Variants in SPAST observed in about 807,000 individuals in gnomAD.
The protein encoded by SPAST is spastin, also known as spastic paraplegia 4 (autosomal dominant; spastin).
A neutral mutation model predicts 76.6 loss-of-function variants in SPAST; 30 were observed. That is an observed-to-expected ratio of 0.39 (90% CI 0.29 to 0.53). SPAST has a LOEUF of 0.53. SPAST is among the 20% of genes least tolerant of loss of function. The pLI is 0.68. For missense variants in SPAST, 717 were observed against 770.5 expected, an observed-to-expected ratio of 0.93 and a Z score of 0.82; for synonymous variants, 305 against 281.0, an observed-to-expected ratio of 1.09 and a Z score of -0.86.
At chr2:32,127,279 G>C (rs777401155) in intron 8 of SPAST, 4 of 451,970 alleles carry the variant, frequency 8.9e-6, no homozygotes, top group Non-Finnish European at 1.6e-5. Flanking sequence ...CACCACACCT[G>C]TCTAGGTTTT....
At chr2:32,069,184 G>A (rs560102505) in intron 1 of SPAST, among the ~76,000 whole-genome samples, 3 of 149,078 alleles carry the variant, frequency 2.0e-5, no homozygotes, top group South Asian at 4.2e-4. Flanking sequence ...CTGCACGCCA[G>A]CCTGGGCAAC....
chr2:32,113,608 C>T (rs1338229133), intron 4 of SPAST, among the ~76,000 whole-genome samples: 1 of 141,994 alleles, frequency 7.0e-6, no homozygotes, highest in Non-Finnish European at 1.5e-5. Context: ...CTCTGTCACC[C>T]AGGCTGGAGT....
At chr2:32,119,486 T>A (rs1465925143) in intron 7 of SPAST, among the ~76,000 whole-genome samples, 1 of 152,178 alleles carries the variant, frequency 6.6e-6, no homozygotes, top group African/African-American at 2.4e-5. Context: ...AAACTGGTTT[T>A]AAGGAGATAA....
At chr2:32,151,588 C>G (rs191285767) in intron 16 of SPAST, among the ~76,000 whole-genome samples, 1 of 151,918 alleles carries the variant, frequency 6.6e-6, no homozygotes, top group East Asian at 1.9e-4. Flanking sequence ...TGTCAGTTAC[C>G]GGTGAATATA....
chr2:32,113,945 T>C (rs1450053743), intron 4 of SPAST, among the ~76,000 whole-genome samples: 1 of 151,870 alleles, frequency 6.6e-6, no homozygotes, highest in East Asian at 1.9e-4. Flanking sequence ...TTTTGTTTTT[T>C]TGTTTTTTTT....
chr2:32,104,032 G>C (rs1336943322), intron 4 of SPAST, among the ~76,000 whole-genome samples: 3 of 151,956 alleles, frequency 2.0e-5, no homozygotes, highest in African/African-American at 7.2e-5. Context: ...TTGTTGATCT[G>C]TCTAATATTG....
chr2:32,137,639 T>C (rs1679581503), intron 12 of SPAST, among the ~76,000 whole-genome samples: 1 of 152,196 alleles, frequency 6.6e-6, no homozygotes, highest in Non-Finnish European at 1.5e-5. Flanking sequence ...TATTGCTCCA[T>C]TGTTTCTAGA....
At chr2:32,070,040 T>A (rs1391231523) in intron 1 of SPAST, among the ~76,000 whole-genome samples, 1 of 150,790 alleles carries the variant, frequency 6.6e-6, no homozygotes, top group East Asian at 2.0e-4. Flanking sequence ...CTGAATTTTA[T>A]TCTTATGGCA....
At chr2:32,107,335 C>T (rs959928485) in intron 4 of SPAST, among the ~76,000 whole-genome samples, 1 of 152,100 alleles carries the variant, frequency 6.6e-6, no homozygotes, top group African/African-American at 2.4e-5. Flanking sequence ...TCCCCTAACC[C>T]CATCCCTGTG....
At chr2:32,126,478 T>C (rs868296035) in intron 7 of SPAST, 3 of 118,460 alleles carry the variant, frequency 2.5e-5, no homozygotes, top group African/African-American at 6.6e-5. Flanking sequence ...TCTTTTTTTT[T>C]TTTTTTTTTT....
intron 8 of SPAST, 78 bp from the exon 9 acceptor site, chr2:32,128,330 C>A: frequency 9.3e-7 from 1 of 1,079,746 alleles, no homozygotes; most frequent in Non-Finnish European, 1.4e-6. Flanking sequence ...TTTTCTAGTA[C>A]TTAAATCGGT....
intron 1 of SPAST, among the ~76,000 whole-genome samples, chr2:32,072,173 G>T (rs1375673126): frequency 3.3e-5 from 5 of 151,866 alleles, no homozygotes; most frequent in Non-Finnish European, 7.4e-5. Flanking sequence ...CTCCTGAGTA[G>T]CTGGGACTAC....
At position 32,149,951 on chromosome 2, in the gene SPAST, G is replaced by A. The variant is rs78322542; in HGVS notation, c.1728+2693G>A. ...AGTGAACTGTTAACACAGATAACAAGTGTATTCAAGTACATTTTGGAGTTT... is the reference window on the plus strand; with the variant it reads ...AGTGAACTGTTAACACAGATAACAAATGTATTCAAGTACATTTTGGAGTTT... On this transcript the variant is annotated intron_variant, in intron 16 of 16. Transcript: ENST00000315285. 9.8e-3 allele frequency among the ~76,000 whole-genome samples: 1,473 copies of A among 151,066 alleles called. 32 individuals carry two copies. The highest frequency in any genetic ancestry group is 0.033 in the African/African-American group (1,370 of 41,284).
intron 1 of SPAST, among the ~76,000 whole-genome samples, chr2:32,085,617 A>G (rs960150777): frequency 6.6e-6 from 1 of 152,170 alleles, no homozygotes; most frequent in African/African-American, 2.4e-5. Context: ...AACATAAGAA[A>G]TTGACCTGTT....
chr2:32,084,398 T>A (rs919764043), intron 1 of SPAST, among the ~76,000 whole-genome samples: 2 of 149,912 alleles, frequency 1.3e-5, no homozygotes, highest in Non-Finnish European at 3.0e-5. Context: ...TCTCCTGACC[T>A]CGTGATCCAC....
intron 1 of SPAST, among the ~76,000 whole-genome samples, chr2:32,078,954 C>A (rs368344772): frequency 1.3e-5 from 2 of 152,190 alleles, no homozygotes; most frequent in East Asian, 3.9e-4. Context: ...TGCTCCCATT[C>A]AGCCCCTCAA....
Position 32,086,805 on chromosome 2 carries a change from A to G in SPAST, c.416-687A>G, listed in dbSNP as rs189810579. On this transcript the variant is annotated intron_variant, in intron 1 of 16. Coordinates refer to ENST00000315285, the MANE Select transcript of SPAST (RefSeq NM_014946.4). Reference sequence around the variant, plus strand: ...AAGAAGTTAATTTTCATTCAGACAAATGTTCAAAAATAATAGAAATAAAAC... The same window carrying G: ...AAGAAGTTAATTTTCATTCAGACAAGTGTTCAAAAATAATAGAAATAAAAC... Among the ~76,000 whole-genome samples, 1,227 of 152,314 alleles carry G rather than the reference A, an allele frequency of 8.1e-3. 18 individuals carry two copies. The highest frequency in any genetic ancestry group is 0.012 in the Non-Finnish European group (835 of 68,022).
At chr2:32,134,181 A>G (rs1047591210) in intron 9 of SPAST, among the ~76,000 whole-genome samples, 1 of 152,064 alleles carries the variant, frequency 6.6e-6, no homozygotes. Flanking sequence ...GACTATAGGC[A>G]CATGCCACCA....
chr2:32,086,039 C>CTAAA lies in SPAST; in HGVS notation c.416-1426_416-1423dup, dbSNP rs57272659. ...CCTGGGCTACAGAGAGAGACTCCAT[C>CTAAA]TAAATAAATAAATAAATAAATAAAT... On this transcript the variant is annotated intron_variant, in intron 1 of 16. Transcript: ENST00000315285. Among the ~76,000 whole-genome samples the CTAAA allele has an allele frequency of 6.2e-3, 936 of 150,412 alleles. 7 individuals are homozygous for CTAAA. Among genetic ancestry groups the CTAAA allele is most frequent in the African/African-American group, 0.019 (770 of 40,884 alleles).
Sources: gnomAD v4.1 joint callset for allele counts (sites outside exome capture counted in the v4.1 genomes callset) on GRCh38, gnomAD v4.1.1 for gene constraint, MANE v1.5 for transcripts, NCBI Gene and HGNC (gene_info 2026-07-23, HGNC 2026-07-21) for gene names.